Variants in TMED8 observed in about 807,000 individuals in gnomAD.
TMED8 encodes the protein transmembrane p24 trafficking protein family member 8.
In TMED8, 15 loss-of-function variants were observed where a neutral mutation model predicts 32.7. That is an observed-to-expected ratio of 0.46 (90% CI 0.31 to 0.71). TMED8 has a LOEUF of 0.71. Among genes scored for constraint, TMED8 ranks in the 30% least tolerant of loss-of-function variants. The probability of loss-of-function intolerance (pLI) is 0.06; values close to 1 mark genes in which losing one functional copy is unlikely to be tolerated. For synonymous variants in TMED8, 147 were observed against 161.4 expected, an observed-to-expected ratio of 0.91 and a Z score of 0.68; for missense variants, 390 against 423.9, an observed-to-expected ratio of 0.92 and a Z score of 0.70.
chr14:77,363,108 CACTTAGGACCA>C (rs1312121920), intron 1 of TMED8, among the ~76,000 whole-genome samples: 13 of 152,206 alleles, frequency 8.5e-5, no homozygotes, highest in Non-Finnish European at 1.3e-4. Context: ...GCTTGAACTA[CACTTAGGACCA>C]AATGGGCCCA....
chr14:77,362,677 A>T (rs1435800027), intron 1 of TMED8, among the ~76,000 whole-genome samples: 3 of 152,160 alleles, frequency 2.0e-5, no homozygotes, highest in African/African-American at 7.2e-5. Context: ...ATTAGAAGAC[A>T]CCGAGTGGGT....
rs778177056 is a variant in TMED8, at chr14:77,346,493, G to C, written c.198-15C>G. ...CCATCTGTGGCCTCTCAGAGGAAGAGAGCATGTTAATTCAAGGACTCTTTG... is the reference window on the plus strand; with the variant it reads ...CCATCTGTGGCCTCTCAGAGGAAGACAGCATGTTAATTCAAGGACTCTTTG... On this transcript the variant is annotated splice_polypyrimidine_tract_variant and intron_variant, in intron 2 of 5. Transcript: ENST00000216468. 22 of 1,613,828 alleles carry C rather than the reference G, an allele frequency of 1.4e-5. No individual in the cohort carries two copies. Among genetic ancestry groups the C allele is most frequent in the South Asian group, 1.2e-4 (11 of 91,076 alleles).
chr14:77,374,267 T>G (rs907889263), intron 1 of TMED8, among the ~76,000 whole-genome samples: 13 of 152,190 alleles, frequency 8.5e-5, no homozygotes, highest in Non-Finnish European at 1.8e-4. Flanking sequence ...TTTAAAGCAG[T>G]TTTTTGGGGT....
chr14:77,346,738 T>A (rs1248072721), intron 2 of TMED8, among the ~76,000 whole-genome samples: 1 of 146,234 alleles, frequency 6.8e-6, no homozygotes, highest in Non-Finnish European at 1.5e-5. Context: ...AGCTCCATCA[T>A]CTGAGATGGA....
chr14:77,345,063 C>T (rs1892993182), intron 3 of TMED8, among the ~76,000 whole-genome samples: 1 of 152,214 alleles, frequency 6.6e-6, no homozygotes. Context: ...TCTCAGCTCA[C>T]TGCAACCTCC....
intron 2 of TMED8, among the ~76,000 whole-genome samples, chr14:77,349,039 A>G (rs905555103): frequency 6.7e-5 from 10 of 150,374 alleles, no homozygotes; most frequent in African/African-American, 2.5e-4. Flanking sequence ...GGTGGCAGGC[A>G]CTGGGTCTCA....
At chr14:77,362,243 T>C (rs1594850918) in intron 1 of TMED8, among the ~76,000 whole-genome samples, 1 of 152,036 alleles carries the variant, frequency 6.6e-6, no homozygotes, top group Non-Finnish European at 1.5e-5. Flanking sequence ...CATTACTATG[T>C]TGAATAGAAG....
At chr14:77,358,424 G>A (rs924824226) in intron 1 of TMED8, among the ~76,000 whole-genome samples, 3 of 151,788 alleles carry the variant, frequency 2.0e-5, no homozygotes, top group Admixed American at 6.6e-5. Context: ...TTAGCCTCCT[G>A]AGTAGCTAGG....
At chr14:77,342,088 G>T in intron 5 of TMED8, 100 bp from the exon 6 acceptor site, 1 of 918,984 alleles carries the variant, frequency 1.1e-6, no homozygotes, top group Non-Finnish European at 1.7e-6. Flanking sequence ...AGAGCGGGGA[G>T]ATTATTGCCC....
At chr14:77,342,364 A>G (rs1892923622) in intron 5 of TMED8, among the ~76,000 whole-genome samples, 1 of 152,208 alleles carries the variant, frequency 6.6e-6, no homozygotes. Context: ...ATATTCTATC[A>G]TTTAGTAGGT....
intron 5 of TMED8, among the ~76,000 whole-genome samples, chr14:77,342,882 C>T (rs1192255688): frequency 6.6e-6 from 1 of 152,186 alleles, no homozygotes; most frequent in Non-Finnish European, 1.5e-5. Context: ...GAATGACCAT[C>T]CCTCTAAACT....
chr14:77,366,474 T>C (rs1454210899), intron 1 of TMED8, among the ~76,000 whole-genome samples: 3 of 152,218 alleles, frequency 2.0e-5, no homozygotes, highest in African/African-American at 7.2e-5. Context: ...TCTGGAGTCC[T>C]CCAGCCTTCT....
At chr14:77,344,851 T>C (rs1892988412) in intron 3 of TMED8, among the ~76,000 whole-genome samples, 1 of 152,258 alleles carries the variant, frequency 6.6e-6, no homozygotes. Flanking sequence ...CTAACTGAAA[T>C]GAATCAGACT....
chr14:77,358,124 CAAAAAAAAAAA>C (rs35361617), intron 1 of TMED8, among the ~76,000 whole-genome samples: 5 of 76,232 alleles, frequency 6.6e-5, no homozygotes, highest in African/African-American at 2.8e-4. Flanking sequence ...GCTCTGTCTC[CAAAAAAAAAAA>C]AAAAAAAAAG....
chr14:77,351,870 T>G (rs1893187907), intron 1 of TMED8, 119 bp from the exon 2 acceptor site: 4 of 722,850 alleles, frequency 5.5e-6, no homozygotes, highest in African/African-American at 1.8e-5. Flanking sequence ...TATTCTGGTA[T>G]GAACTTTATA....
At position 77,339,624 on chromosome 14, in the gene TMED8, G is replaced by A. The variant is rs1892845502; in HGVS notation, c.*2147C>T. The A allele has an allele frequency of 6.6e-6, 1 of 152,204 alleles. No homozygotes were observed. Among genetic ancestry groups the A allele is most frequent in the African/African-American group, 2.4e-5 (1 of 41,438 alleles). 9.4% of individuals were successfully genotyped at this position (152,204 alleles called of 1,614,324 possible). On this transcript the variant is annotated 3_prime_UTR_variant, in exon 6 of 6. Coordinates refer to ENST00000216468, the MANE Select transcript of TMED8 (RefSeq NM_213601.3). ...TAAGGCATGATTCAACTTCAATGAT[G>A]CAAGAGCGGTCACTCAGCTATCCAA...
At chr14:77,358,181 T>TCACACACA (rs75880149) in intron 1 of TMED8, among the ~76,000 whole-genome samples, 2,576 of 145,396 alleles carry the variant, frequency 0.018, 40 homozygotes, top group Middle Eastern at 0.082. Flanking sequence ...ATGTAATATA[T>TCACACACA]CACACACACA....
intron 1 of TMED8, among the ~76,000 whole-genome samples, chr14:77,371,620 G>A (rs1482747008): frequency 6.6e-6 from 1 of 152,154 alleles, no homozygotes; most frequent in African/African-American, 2.4e-5. Context: ...AGTAAGAAAA[G>A]GAGAAAGAAA....
chr14:77,372,928 ATATATATATATATATATATATATATTTTT>A (rs1241399683), intron 1 of TMED8, among the ~76,000 whole-genome samples: 5 of 26,418 alleles, frequency 1.9e-4, no homozygotes, highest in African/African-American at 2.9e-4. Flanking sequence ...ATATATATAT[ATATATATATATATATATATATATATTTTT>A]TTTTTTTTTT....
Sources: gnomAD v4.1 joint callset for allele counts (sites outside exome capture counted in the v4.1 genomes callset) on GRCh38, gnomAD v4.1.1 for gene constraint, MANE v1.5 for transcripts, NCBI Gene and HGNC (gene_info 2026-07-23, HGNC 2026-07-21) for gene names.